Variants in TRRAP observed in about 807,000 individuals in gnomAD.
TRRAP encodes the protein transformation/transcription domain associated protein.
In TRRAP, 41 loss-of-function variants were observed where a neutral mutation model predicts 438.8. That is an observed-to-expected ratio of 0.09 (90% CI 0.07 to 0.12). The LOEUF is 0.12. TRRAP is among the 10% of genes least tolerant of loss of function. The probability of loss-of-function intolerance (pLI) is 1.00; values close to 1 mark genes in which losing one functional copy is unlikely to be tolerated. For missense variants in TRRAP, 3,122 were observed against 5,055.1 expected, an observed-to-expected ratio of 0.62 and a Z score of 11.60; for synonymous variants, 1,994 against 1,962.9, an observed-to-expected ratio of 1.02 and a Z score of -0.42.
intron 20 of TRRAP, among the ~76,000 whole-genome samples, chr7:98,919,485 C>A (rs1285815325): frequency 6.6e-6 from 1 of 152,090 alleles, no homozygotes; most frequent in Non-Finnish European, 1.5e-5. Flanking sequence ...GCCTGTAGTC[C>A]CAGCTACTCA....
intron 45 of TRRAP, among the ~76,000 whole-genome samples, chr7:98,960,256 T>G (rs1343976847): frequency 6.6e-6 from 1 of 152,232 alleles, no homozygotes; most frequent in Non-Finnish European, 1.5e-5. Context: ...TTTTGGTGGC[T>G]GTTTTTTTGC....
At position 99,008,447 on chromosome 7, in the gene TRRAP, G is replaced by A; in HGVS notation, c.10824G>A (p.Val3608=). ...VEDNPSSLSL[V]EIYKQRCAKK... ...ACAACCCCTCTTCACTTTCCCTTGT[G>A]GAGATCTACAAGCAGCGCTGCGCCA... Residue 3608 remains valine, a synonymous_variant, in exon 70 of 73, where the codon GTG becomes GTA. Coordinates refer to ENST00000456197, the MANE Select transcript of TRRAP (RefSeq NM_001375524.1). 6.2e-7 allele frequency: 1 copy of A among 1,613,880 alleles called. No homozygotes were observed. Among genetic ancestry groups the A allele is most frequent in the East Asian group, 2.2e-5 (1 of 44,852 alleles).
At chr7:98,899,052 G>A (rs1402886897) in intron 8 of TRRAP, among the ~76,000 whole-genome samples, 2 of 152,066 alleles carry the variant, frequency 1.3e-5, no homozygotes, top group African/African-American at 4.8e-5. Flanking sequence ...AGCTGGACGT[G>A]GTGGTTCATG....
At chr7:98,993,910 A>G (rs1446968668) in intron 66 of TRRAP, among the ~76,000 whole-genome samples, 173 bp downstream of exon 66, 1 of 152,170 alleles carries the variant, frequency 6.6e-6, no homozygotes, top group Non-Finnish European at 1.5e-5. Context: ...GTACAGCCTT[A>G]AAGATTCAAA....
intron 62 of TRRAP, 121 bp downstream of exon 62, chr7:98,985,165 A>G: frequency 1.4e-6 from 1 of 694,464 alleles, no homozygotes; most frequent in East Asian, 2.7e-5. Context: ...GACAGTCATT[A>G]GGTAGGATTT....
intron 45 of TRRAP, among the ~76,000 whole-genome samples, chr7:98,959,936 TAA>T (rs780800568): frequency 2.4e-4 from 27 of 112,644 alleles, no homozygotes; most frequent in Admixed American, 2.8e-4. Context: ...CCTGGTCTCT[TAA>T]AAAAAAAAAA....
At chr7:99,003,103 C>G (rs1187405035) in intron 67 of TRRAP, among the ~76,000 whole-genome samples, 1 of 152,146 alleles carries the variant, frequency 6.6e-6, no homozygotes, top group Non-Finnish European at 1.5e-5. Flanking sequence ...CGTGGCTCCC[C>G]CAGGGCCCCT....
chr7:98,988,760 C>T lies in TRRAP; in HGVS notation c.9390-5C>T. 1.2e-6 allele frequency: 2 copies of T among 1,613,814 alleles called. No individual in the cohort carries two copies. The highest frequency in any genetic ancestry group is 1.7e-6 in the Non-Finnish European group (2 of 1,179,968). ...TACACGTTTTGGTTTTCTGTCTCCT[C>T]ACAGGTCCGAGGAGGCAAACAAAGC... On this transcript the variant is annotated splice_polypyrimidine_tract_variant and splice_region_variant and intron_variant, in intron 62 of 72. Transcript: ENST00000456197.
In TRRAP at chr7:99,012,012, C is replaced by T. The variant is rs1383567708; in HGVS notation, c.11338-59C>T. ...GGTTGAGTCCCACCTTGTTAGGAAG[C>T]TGCCCCTGTGGGCTGTTCTTGGTTA... On this transcript the variant is annotated intron_variant, in intron 72 of 72. Transcript: ENST00000456197. This position sits in a 1 kb window ranked among gnomAD's most constrained non-coding sequence, Gnocchi z 5.9. 8.9e-6 allele frequency: 14 copies of T among 1,574,848 alleles called. No homozygotes were observed. Among genetic ancestry groups the T allele is most frequent in the Non-Finnish European group, 1.2e-5 (14 of 1,157,402 alleles).
At chr7:98,986,752 G>A (rs6946729) in intron 62 of TRRAP, among the ~76,000 whole-genome samples, 45,029 of 151,842 alleles carry the variant, frequency 0.3, 11,115 homozygotes, top group African/African-American at 0.68. Flanking sequence ...TACTTTTCAC[G>A]TCTTCTAAGA....
rs774286533 is a variant in TRRAP at position 98,984,862 on chromosome 7, C to T, written c.9289-82C>T. ...ATTGGTCAATGACTCATAGGACTTA[C>T]TGCCTAGATTAGTATTTTATGAGGT... is the stretch of plus-strand genomic sequence containing the variant. On this transcript the variant is annotated intron_variant, in intron 61 of 72. Coordinates refer to ENST00000456197, the MANE Select transcript of TRRAP (RefSeq NM_001375524.1). 7.0e-4 allele frequency: 577 copies of T among 829,960 alleles called. 4 individuals are homozygous for T. The highest frequency in any genetic ancestry group is 1.7e-3 in the South Asian group (96 of 57,106). The allele number at this position is 829,960 out of a possible 1,614,324, so 51.4% of individuals were successfully genotyped here.
At chr7:99,000,279 G>A (rs930230660) in intron 67 of TRRAP, among the ~76,000 whole-genome samples, 7 of 152,174 alleles carry the variant, frequency 4.6e-5, no homozygotes, top group African/African-American at 1.4e-4. Flanking sequence ...AAAGTGCTGG[G>A]ATTACAGGTG....
rs34834746 is a variant in TRRAP at position 98,887,729 on chromosome 7, C to CAAAAAA, written c.151-2590_151-2585dup. Among the ~76,000 whole-genome samples the CAAAAAA allele has an allele frequency of 2.3e-5, 2 of 88,640 alleles. 1 individual carries two copies. Among genetic ancestry groups the CAAAAAA allele is most frequent in the Non-Finnish European group, 4.1e-5 (2 of 48,790 alleles). 58.2% of individuals were successfully genotyped at this position (88,640 alleles called of 152,430 possible). On this transcript the variant is annotated intron_variant, in intron 3 of 72. Transcript: ENST00000456197. ...TGGTGACAAGAGTGAAACTCCGTCT[C>CAAAAAA]AAAAAAAAAAAAAAAAAAAAACTGC...
At chr7:99,010,460 A>T (rs1038935645) in intron 70 of TRRAP, among the ~76,000 whole-genome samples, 1 of 152,304 alleles carries the variant, frequency 6.6e-6, no homozygotes, top group African/African-American at 2.4e-5. Context: ...ATTCCCACAG[A>T]GCACGTGGGT....
In TRRAP at chr7:98,956,918, T is replaced by C. The variant is rs1791645224; in HGVS notation, c.6231+385T>C. On this transcript the variant is annotated intron_variant, in intron 43 of 72. Transcript: ENST00000456197. This position sits in a 1 kb window ranked among gnomAD's most constrained non-coding sequence, Gnocchi z 4.5. The stretch of plus-strand genomic sequence containing the variant: ...CAAGAGGGTCCTGGGTATTGCCCCT[T>C]GTGGAGTGGTGGCCCTAGGAGCCCT... 6.6e-6 allele frequency among the ~76,000 whole-genome samples: 1 copy of C among 151,796 alleles called. No individual in the cohort carries two copies.
At position 98,976,349 on chromosome 7, in the gene TRRAP, A is replaced by C. The variant is rs1792656319; in HGVS notation, c.7959+81A>C. ...GTATTCATAAAAGAACACAGTCTCG[A>C]ACAAGTTTCAGAAAATGAGGGAACC... On this transcript the variant is annotated intron_variant, in intron 54 of 72. Transcript: ENST00000456197. The surrounding 1 kb of genome is among the most constrained non-coding windows in gnomAD (Gnocchi z 4.6). 1.3e-6 allele frequency: 2 copies of C among 1,583,842 alleles called. No homozygotes were observed. The highest frequency in any genetic ancestry group is 1.7e-5 in the Admixed American group (1 of 57,412).
chr7:98,957,608 C>T (rs368551635), intron 43 of TRRAP, among the ~76,000 whole-genome samples: 3 of 152,186 alleles, frequency 2.0e-5, no homozygotes, highest in African/African-American at 7.2e-5. Flanking sequence ...TCTCAATGCA[C>T]CCCTGGTTCT....
intron 59 of TRRAP, among the ~76,000 whole-genome samples, chr7:98,982,953 G>A (rs1020387475): frequency 6.6e-6 from 1 of 152,172 alleles, no homozygotes; most frequent in Non-Finnish European, 1.5e-5. Context: ...TGGACAGCAG[G>A]AGGAGGAGTT....
At chr7:98,970,321 C>T (rs1180682228) in intron 52 of TRRAP, 30 bp downstream of exon 52, 1 of 1,604,928 alleles carries the variant, frequency 6.2e-7, no homozygotes. Flanking sequence ...AGGCAGAATC[C>T]CAGAGAGGAG....
Sources: allele counts gnomAD v4.1 joint callset (sites outside exome capture counted in the v4.1 genomes callset), GRCh38; gene constraint gnomAD v4.1.1; non-coding constraint Gnocchi (gnomAD v3.1); transcripts MANE v1.5; gene names NCBI Gene and HGNC (gene_info 2026-07-23, HGNC 2026-07-21).